The following GNAT3 variants were observed in gnomAD, a reference collection of about 807,000 sequenced individuals.
GNAT3 encodes the protein guanine nucleotide-binding protein G(t) subunit alpha-3.
In GNAT3, 31 loss-of-function variants were observed where a neutral mutation model predicts 37.7. That is an observed-to-expected ratio of 0.82 (90% confidence interval 0.62 to 1.11). The LOEUF (loss-of-function observed/expected upper bound fraction) is 1.11. GNAT3 is among the 50% of genes most tolerant of loss of function. GNAT3 has a pLI of 0.00. For synonymous variants in GNAT3, 138 were observed against 139.8 expected, an observed-to-expected ratio of 0.99 and a Z score of 0.09; for missense variants, 437 against 412.5, an observed-to-expected ratio of 1.06 and a Z score of -0.51.
chr7:80,491,477 A>G (rs1319390813), intron 2 of GNAT3, among the ~76,000 whole-genome samples: 9 of 152,184 alleles, frequency 5.9e-5, no homozygotes, highest in Admixed American at 5.2e-4. Flanking sequence ...TTTCATTTTG[A>G]TGAAGGTGCA....
At position 80,494,587 on chromosome 7, in the gene GNAT3, A is replaced by G. The variant is rs1217649770; in HGVS notation, c.161+18T>C. 1 of 1,384,648 alleles carries G rather than the reference A, an allele frequency of 7.2e-7. No individual in the cohort carries two copies. Among genetic ancestry groups the G allele is most frequent in the Non-Finnish European group, 1.0e-6 (1 of 991,876 alleles). The allele number at this position is 1,384,648 out of a possible 1,614,324, so 85.8% of individuals were successfully genotyped here. A position where few individuals can be genotyped will look rare whatever the true frequency, so the allele number is the denominator to read the frequency against. The stretch of plus-strand genomic sequence containing the variant: ...ACAGACATCAAATATTAAACACTTG[A>G]GACAGATGTATACCTACTTCATTTG... On this transcript the variant is annotated intron_variant, in intron 2 of 7. Transcript: ENST00000398291.
Position 80,474,379 on chromosome 7 carries a change from G to T in GNAT3, c.462C>A (p.Tyr154Ter). The T allele has an allele frequency of 1.3e-6, 2 of 1,517,910 alleles. No homozygotes were observed. Among genetic ancestry groups the T allele is most frequent in the Non-Finnish European group, 8.9e-7 (1 of 1,121,582 alleles). 94.0% of individuals were successfully genotyped at this position (1,517,910 alleles called of 1,614,324 possible). The change falls in exon 5 of 8, where the codon TAC (tyrosine) becomes TAA (stop). Residue 154 changes from tyrosine (Y) to a stop codon, truncating the protein, a stop_gained and splice_region_variant. Coordinates refer to ENST00000398291, the MANE Select transcript of GNAT3 (RefSeq NM_001102386.3). LOFTEE classifies it high-confidence loss of function. ...TTATTCTATCTAAATCATTAAGGTA[G>T]CTAATAAAGACAAAACAAAATTATA... ...SEYQLNDSAA[Y>*]YLNDLDRITA...
At chr7:80,492,817 A>C (rs1451576567) in intron 2 of GNAT3, among the ~76,000 whole-genome samples, 1 of 151,546 alleles carries the variant, frequency 6.6e-6, no homozygotes, top group African/African-American at 2.4e-5. Context: ...TCAAAATCTC[A>C]TTATTATTGG....
intron 5 of GNAT3, among the ~76,000 whole-genome samples, chr7:80,466,102 A>T (rs1019339051): frequency 4.0e-4 from 61 of 152,182 alleles, no homozygotes; most frequent in African/African-American, 1.2e-3. Flanking sequence ...GGGGAAAATA[A>T]AAAACCCCTT....
In GNAT3 at chr7:80,461,952, T is replaced by C. The variant is rs535165000; in HGVS notation, c.874+207A>G. On this transcript the variant is annotated intron_variant, in intron 7 of 7. Coordinates refer to ENST00000398291, the MANE Select transcript of GNAT3 (RefSeq NM_001102386.3). ...CTGGTCCATCTAACCCCTTCCAGTTTATTTTATTAGGGTTTTGCTTTAATG... is the reference window on the plus strand; with the variant it reads ...CTGGTCCATCTAACCCCTTCCAGTTCATTTTATTAGGGTTTTGCTTTAATG... Among the ~76,000 whole-genome samples, 3 of 152,304 alleles carry C rather than the reference T, an allele frequency of 2.0e-5. No individual in the cohort carries two copies. The South Asian group carries it at 6.2e-4, about 32-fold the overall frequency.
At position 80,458,768 on chromosome 7, in the gene GNAT3, A is replaced by T; in HGVS notation, c.968T>A (p.Met323Lys). 2 of 1,597,782 alleles carry T rather than the reference A, an allele frequency of 1.3e-6. No homozygotes were observed. The highest frequency in any genetic ancestry group is 2.3e-5 in the South Asian group (2 of 88,416). The part of the protein sequence containing the change: ...KKEDKEIYSH[M>K]TCATDTQNVK... ...ATTTTGGGTGTCAGTAGCACAGGTC[A>T]TGTGGGAATAAATTTCCTTATCTTC... is the stretch of plus-strand genomic sequence containing the variant. The change falls in exon 8 of 8, where the codon ATG becomes AAG. Residue 323 changes from methionine to lysine, a missense_variant. Met to Lys is a moderately conservative substitution (Grantham distance 95). Coordinates refer to ENST00000398291, the MANE Select transcript of GNAT3 (RefSeq NM_001102386.3).
chr7:80,468,772 G>C (rs576553513), intron 5 of GNAT3, among the ~76,000 whole-genome samples: 3 of 152,016 alleles, frequency 2.0e-5, no homozygotes, highest in Non-Finnish European at 4.4e-5. Context: ...ATTTATAACT[G>C]TAAGGGAGCC....
intron 2 of GNAT3, among the ~76,000 whole-genome samples, chr7:80,490,373 G>C (rs1349988849): frequency 6.6e-6 from 1 of 152,218 alleles, no homozygotes; most frequent in Admixed American, 6.5e-5. Context: ...CTGTTGAAGA[G>C]GACTGAGTTA....
chr7:80,501,712 A>G (rs1294849293), intron 1 of GNAT3, among the ~76,000 whole-genome samples: 3 of 151,852 alleles, frequency 2.0e-5, no homozygotes, highest in East Asian at 3.9e-4. Flanking sequence ...GTCTAAGACA[A>G]TTTTCTAAAT....
chr7:80,479,069 A>G, intron 3 of GNAT3, 71 bp from the exon 4 acceptor site: 7 of 994,296 alleles, frequency 7.0e-6, no homozygotes, highest in Non-Finnish European at 1.0e-5. Context: ...TAATAGAGTA[A>G]TTTACTGGGA....
intron 5 of GNAT3, among the ~76,000 whole-genome samples, chr7:80,466,904 G>C (rs1270675468): frequency 6.6e-6 from 1 of 152,102 alleles, no homozygotes; most frequent in Non-Finnish European, 1.5e-5. Context: ...ACAATTGCAG[G>C]AATAATACCT....
At chr7:80,481,950 A>C (rs574778994) in intron 3 of GNAT3, among the ~76,000 whole-genome samples, 1 of 152,300 alleles carries the variant, frequency 6.6e-6, no homozygotes, top group Non-Finnish European at 1.5e-5. Flanking sequence ...TCCCGCTTCA[A>C]ATTGTCCTGC....
intron 3 of GNAT3, among the ~76,000 whole-genome samples, chr7:80,486,100 C>T (rs1790473643): frequency 6.6e-6 from 1 of 152,198 alleles, no homozygotes; most frequent in Non-Finnish European, 1.5e-5. Flanking sequence ...AGCAATCAAT[C>T]TGTTAAATAA....
chr7:80,474,991 G>C (rs1176578180), intron 4 of GNAT3, among the ~76,000 whole-genome samples: 1 of 152,150 alleles, frequency 6.6e-6, no homozygotes, highest in East Asian at 1.9e-4. Context: ...GCAATATCTA[G>C]TTAGCGCAAT....
At chr7:80,482,818 A>G (rs1237091216) in intron 3 of GNAT3, among the ~76,000 whole-genome samples, 2 of 150,750 alleles carry the variant, frequency 1.3e-5, no homozygotes, top group African/African-American at 4.9e-5. Flanking sequence ...GGCGTGAACC[A>G]CCATACCTGT....
chr7:80,508,464 A>C (rs902147310), intron 1 of GNAT3, among the ~76,000 whole-genome samples: 20 of 152,074 alleles, frequency 1.3e-4, no homozygotes, highest in Admixed American at 1.3e-4. Flanking sequence ...ACTTAGATAC[A>C]AATGAGAATA....
intron 3 of GNAT3, among the ~76,000 whole-genome samples, chr7:80,481,678 T>C (rs537383412): frequency 6.6e-6 from 1 of 152,242 alleles, no homozygotes; most frequent in African/African-American, 2.4e-5. Flanking sequence ...CCTTTTCTGA[T>C]CCTGGTGAGA....
At chr7:80,507,546 C>T (rs563989604) in intron 1 of GNAT3, among the ~76,000 whole-genome samples, 1 of 152,044 alleles carries the variant, frequency 6.6e-6, no homozygotes, top group South Asian at 2.1e-4. Flanking sequence ...TTACAAAATA[C>T]TTTGACATCC....
At chr7:80,477,514 T>A (rs535749760) in intron 4 of GNAT3, among the ~76,000 whole-genome samples, 1 of 152,282 alleles carries the variant, frequency 6.6e-6, no homozygotes, top group South Asian at 2.1e-4. Flanking sequence ...AAAAGCAATG[T>A]GCCCTTTGAA....
Sources: allele counts gnomAD v4.1 joint callset (sites outside exome capture counted in the v4.1 genomes callset), GRCh38; gene constraint gnomAD v4.1.1; transcripts MANE v1.5; gene names NCBI Gene and HGNC (gene_info 2026-07-23, HGNC 2026-07-21).